SORL1: variants seen among roughly 807,000 people sequenced by gnomAD.
The protein encoded by SORL1 is sortilin related receptor 1.
SORL1 carries 127 observed loss-of-function variants against 273.7 expected under a neutral mutation model. That is an observed-to-expected ratio of 0.46 (90% confidence interval 0.40 to 0.54). SORL1 has a LOEUF of 0.54. Among genes scored for constraint, SORL1 ranks in the 20% least tolerant of loss-of-function variants. The pLI is 0.00. For synonymous variants in SORL1, 1,031 were observed against 1,067.4 expected (o/e 0.97, Z 0.66); for missense variants, 2,494 against 2,846.1 (o/e 0.88, Z 2.81).
intron 30 of SORL1, chr11:121,590,800 A>T: frequency 1.3e-6 from 1 of 770,280 alleles, no homozygotes; most frequent in Non-Finnish European, 2.4e-6. Flanking sequence ...TACTCCCCAA[A>T]AGGGAAAAGA....
chr11:121,556,011 C>T (rs371582433), intron 18 of SORL1, among the ~76,000 whole-genome samples: 7 of 152,126 alleles, frequency 4.6e-5, no homozygotes, highest in East Asian at 1.9e-4. Context: ...AGTTGCAAGA[C>T]GAAAGACACA....
intron 6 of SORL1, among the ~76,000 whole-genome samples, chr11:121,506,428 G>A (rs1323624081): frequency 2.0e-5 from 3 of 152,190 alleles, no homozygotes; most frequent in African/African-American, 7.2e-5. Flanking sequence ...AGCAAGTCAT[G>A]TCTTACATGG....
At chr11:121,597,218 CTCTG>C in intron 32 of SORL1, among the ~76,000 whole-genome samples, 1 of 152,212 alleles carries the variant, frequency 6.6e-6, no homozygotes, top group African/African-American at 2.4e-5. Flanking sequence ...GCCGTCCCTT[CTCTG>C]TCTGTAGCGT....
Position 121,622,211 on chromosome 11 carries a change from T to C in SORL1, c.6114T>C (p.His2038=). ...DALKIITEND[H]VLLFWKSLAL... is the part of the protein sequence containing the mutation. The stretch of plus-strand genomic sequence containing the variant: ...TAAAAATCATAACAGAAAATGATCA[T>C]GTTCTTCTGTTTTGGAAAAGCCTGG... The change falls in exon 45 of 48, where the codon CAT becomes CAC. Residue 2038 remains histidine, a synonymous_variant. Transcript: ENST00000260197. 2 of 1,613,034 alleles carry C rather than the reference T, an allele frequency of 1.2e-6. No homozygotes were observed. Among genetic ancestry groups the C allele is most frequent in the Non-Finnish European group, 1.7e-6 (2 of 1,179,488 alleles).
At chr11:121,498,959 A>G (rs574255844) in intron 6 of SORL1, among the ~76,000 whole-genome samples, 2 of 152,012 alleles carry the variant, frequency 1.3e-5, no homozygotes, top group Admixed American at 1.3e-4. Flanking sequence ...CTCCAGATGT[A>G]TCTGATTTAC....
chr11:121,517,137 C>T (rs1487184373), intron 8 of SORL1, among the ~76,000 whole-genome samples: 2 of 152,166 alleles, frequency 1.3e-5, no homozygotes, highest in Non-Finnish European at 2.9e-5. Flanking sequence ...GCATTCAATA[C>T]ATTTACAATG....
At chr11:121,574,056 C>G (rs964462709) in intron 23 of SORL1, among the ~76,000 whole-genome samples, 185 bp from the exon 24 acceptor site, 3 of 152,208 alleles carry the variant, frequency 2.0e-5, no homozygotes, top group Non-Finnish European at 4.4e-5. Context: ...ATGCCCTTAT[C>G]TCTCTTGGTT....
Position 121,474,197 on chromosome 11 carries a change from C to T in SORL1, c.403-3921C>T, listed in dbSNP as rs574520146. On this transcript the variant is annotated intron_variant, in intron 2 of 47. Coordinates refer to ENST00000260197, the MANE Select transcript of SORL1 (RefSeq NM_003105.6). The stretch of plus-strand genomic sequence containing the variant: ...ACATAGTGCTTGTTAAACCTTGCTA[C>T]CCAAAGTGTGGTTGTGGTCTGTGGA... 6.0e-4 allele frequency among the ~76,000 whole-genome samples: 91 copies of T among 152,314 alleles called. 1 individual carries two copies. The highest frequency in any genetic ancestry group is 1.3e-4 in the Non-Finnish European group (9 of 68,032).
At chr11:121,514,835 C>T (rs894671298) in intron 8 of SORL1, among the ~76,000 whole-genome samples, 1 of 152,104 alleles carries the variant, frequency 6.6e-6, no homozygotes, top group Admixed American at 6.5e-5. Context: ...TTTTGTAGTC[C>T]AGCAGTGGGC....
chr11:121,621,294 C>T (rs778886485), intron 44 of SORL1, 56 bp downstream of exon 44: 212 of 1,455,408 alleles, frequency 1.5e-4, no homozygotes, highest in Non-Finnish European at 1.8e-4. Context: ...AGTGCTGTGC[C>T]GCTAGACCTC....
chr11:121,473,335 G>C (rs983234874), intron 2 of SORL1, among the ~76,000 whole-genome samples: 1 of 152,168 alleles, frequency 6.6e-6, no homozygotes, highest in Non-Finnish European at 1.5e-5. Flanking sequence ...AGAAAGTCTT[G>C]CTCTCAAACG....
At chr11:121,502,124 CTTTTTTTTTTTTTTTT>C (rs57842880) in intron 6 of SORL1, among the ~76,000 whole-genome samples, 1 of 65,176 alleles carries the variant, frequency 1.5e-5, no homozygotes. Context: ...TGTGACAATT[CTTTTTTTTTTTTTTTT>C]TTTTTTTTTT....
In SORL1 at chr11:121,570,236, C is replaced by T. The variant is rs375431230; in HGVS notation, c.3303C>T (p.Asn1101=). The T allele has an allele frequency of 9.2e-5, 148 of 1,613,830 alleles. No homozygotes were observed. Among genetic ancestry groups the T allele is most frequent in the East Asian group, 7.1e-4 (32 of 44,888 alleles). The change falls in exon 23 of 48, where the codon AAC becomes AAT. Residue 1101 remains asparagine (N), a synonymous_variant. Coordinates refer to ENST00000260197, the MANE Select transcript of SORL1 (RefSeq NM_003105.6). ...INSIWWCDFD[N]DCGDMSDERN... ...GCATTTGGTGGTGTGACTTTGACAA[C>T]GACTGTGGAGACATGAGCGATGAGA...
Position 121,549,044 on chromosome 11 carries a change from C to T in SORL1, c.2052-916C>T, listed in dbSNP as rs149405220. On this transcript the variant is annotated intron_variant, in intron 14 of 47. Transcript: ENST00000260197. ...TAGTACAGTCACCTCGTTTTAGAAT[C>T]GTCTTCGACTGAGGCCTCCTGCTTC... Among the ~76,000 whole-genome samples the T allele has an allele frequency of 1.1e-3, 173 of 152,278 alleles. 1 individual carries two copies. The highest frequency in any genetic ancestry group is 4.1e-3 in the African/African-American group (170 of 41,552).
At chr11:121,605,854 C>T (rs759097539) in intron 35 of SORL1, among the ~76,000 whole-genome samples, 1 of 152,158 alleles carries the variant, frequency 6.6e-6, no homozygotes, top group Non-Finnish European at 1.5e-5. Flanking sequence ...CTAGATATTT[C>T]CTAGTACTTG....
chr11:121,462,153 T>C (rs984025512), intron 1 of SORL1, among the ~76,000 whole-genome samples: 2 of 152,184 alleles, frequency 1.3e-5, no homozygotes, highest in Non-Finnish European at 2.9e-5. Context: ...TCCTAAGTAA[T>C]CTAGTGAAAT....
chr11:121,594,992 T>C (rs1046618459), intron 31 of SORL1, among the ~76,000 whole-genome samples: 8 of 152,238 alleles, frequency 5.3e-5, no homozygotes, highest in Non-Finnish European at 1.5e-5. Flanking sequence ...GGGACTTCCA[T>C]ATGTAGGTTT....
chr11:121,575,465 G>A (rs1487170179), intron 24 of SORL1, among the ~76,000 whole-genome samples: 3 of 152,252 alleles, frequency 2.0e-5, no homozygotes, highest in Non-Finnish European at 4.4e-5. Context: ...CCTGTCCACG[G>A]GGGGCAGGTC....
At chr11:121,547,053 A>T (rs1862437450) in intron 14 of SORL1, 1 of 152,234 alleles carries the variant, frequency 6.6e-6, no homozygotes. Flanking sequence ...ACTCTTTAAC[A>T]GCAAAAGCAC....
Sources: gnomAD v4.1 joint callset for allele counts (sites outside exome capture counted in the v4.1 genomes callset) on GRCh38, gnomAD v4.1.1 for gene constraint, MANE v1.5 for transcripts, NCBI Gene and HGNC (gene_info 2026-07-23, HGNC 2026-07-21) for gene names.